MON2: variants seen among roughly 807,000 people sequenced by gnomAD.
The protein encoded by MON2 is MON2 regulator of endosome-to-Golgi trafficking, also known as protein MON2 homolog.
In MON2, 84 loss-of-function variants were observed where a neutral mutation model predicts 208.6. The ratio of observed to expected loss-of-function variants is 0.40; its 90% CI spans 0.34 to 0.48. The LOEUF (loss-of-function observed/expected upper bound fraction) is 0.48, where lower values mean the gene tolerates loss of function less well. Among genes scored for constraint, MON2 ranks in the 20% least tolerant of loss-of-function variants. The pLI, the probability that MON2 is intolerant of heterozygous loss-of-function variation, is 0.59. For synonymous variants in MON2, 660 were observed against 694.0 expected, an observed-to-expected ratio of 0.95 and a Z score of 0.77; for missense variants, 1,611 against 2,015.4, an observed-to-expected ratio of 0.80 and a Z score of 3.84.
chr12:62,500,089 T>C (rs1239775719), intron 5 of MON2, among the ~76,000 whole-genome samples: 2 of 152,190 alleles, frequency 1.3e-5, no homozygotes, highest in East Asian at 3.8e-4. Flanking sequence ...TTCAATGTTT[T>C]ATACATTCAT....
chr12:62,501,269 CTG>C (rs1425285687), intron 6 of MON2, among the ~76,000 whole-genome samples: 1 of 152,006 alleles, frequency 6.6e-6, no homozygotes, highest in African/African-American at 2.4e-5. Flanking sequence ...CAAGATTAAT[CTG>C]TACTGAAAAT....
chr12:62,566,777 C>G (rs1455326140), intron 29 of MON2, among the ~76,000 whole-genome samples: 3 of 151,178 alleles, frequency 2.0e-5, no homozygotes, highest in Non-Finnish European at 4.4e-5. Flanking sequence ...AGGAGAGATA[C>G]CTAATGTAAA....
chr12:62,589,173 G>A (rs1177270341), intron 34 of MON2, among the ~76,000 whole-genome samples: 3 of 152,104 alleles, frequency 2.0e-5, no homozygotes, highest in Non-Finnish European at 4.4e-5. Context: ...ATAGTGAGCT[G>A]GCATCAGAAT....
chr12:62,521,832 T>C (rs145808814), intron 8 of MON2, among the ~76,000 whole-genome samples: 1 of 152,316 alleles, frequency 6.6e-6, no homozygotes, highest in East Asian at 1.9e-4. Flanking sequence ...GCTCTCTGAA[T>C]CACTTAGGAT....
chr12:62,560,315 C>G, intron 25 of MON2, 176 bp from the exon 26 acceptor site: 1 of 590,480 alleles, frequency 1.7e-6, no homozygotes, highest in East Asian at 3.1e-5. Context: ...TACTGAATTT[C>G]TAGGTTGTGA....
At chr12:62,545,997 T>C (rs1026727756) in intron 21 of MON2, among the ~76,000 whole-genome samples, 1 of 152,156 alleles carries the variant, frequency 6.6e-6, no homozygotes, top group African/African-American at 2.4e-5. Context: ...AATAAATGAA[T>C]CCCCTAGAGA....
rs202036287 is a variant in MON2, at chr12:62,560,856, A to G, written c.3775A>G (p.Ile1259Val). 6.8e-6 allele frequency: 11 copies of G among 1,614,112 alleles called. No homozygotes were observed. The highest frequency in any genetic ancestry group is 6.7e-5 in the East Asian group (3 of 44,880). ...RIGSESTKPP[I>V]TFDKLTFIPS... The stretch of plus-strand genomic sequence containing the variant: ...TGGATCTGAAAGTACTAAGCCTCCT[A>G]TTACTTTTGATAAACTAACTTTTAT... Residue 1259 changes from isoleucine to valine, a missense_variant, in exon 26 of 35, where the codon ATT becomes GTT. Coordinates refer to ENST00000393630, the MANE Select transcript of MON2 (RefSeq NM_015026.3).
chr12:62,538,617 A>G, intron 19 of MON2, 112 bp downstream of exon 19: 1 of 746,872 alleles, frequency 1.3e-6, no homozygotes. Flanking sequence ...TTGTATGGTA[A>G]CCATACTCTG....
At chr12:62,557,893 A>G (rs1271461846) in intron 25 of MON2, among the ~76,000 whole-genome samples, 1 of 131,594 alleles carries the variant, frequency 7.6e-6, no homozygotes, top group Non-Finnish European at 1.5e-5. Flanking sequence ...TAGTACCTTC[A>G]TGATATTTCT....
chr12:62,587,835 C>T, intron 33 of MON2: 1 of 317,418 alleles, frequency 3.2e-6, no homozygotes, highest in Non-Finnish European at 5.7e-6. Flanking sequence ...GATTGCCCCA[C>T]CTCTTTATTA....
chr12:62,554,277 A>ACTTG (rs1305535430), intron 24 of MON2, among the ~76,000 whole-genome samples: 2 of 152,220 alleles, frequency 1.3e-5, no homozygotes, highest in Admixed American at 6.5e-5. Context: ...TCTCTTAAAC[A>ACTTG]TTAGAGAATA....
chr12:62,467,528 G>A (rs1282964756), intron 1 of MON2, among the ~76,000 whole-genome samples: 2 of 152,170 alleles, frequency 1.3e-5, no homozygotes, highest in African/African-American at 4.8e-5. Flanking sequence ...TGTCCTCCCA[G>A]TTTAGGAGTG....
intron 8 of MON2, 191 bp downstream of exon 8, chr12:62,508,671 A>T: frequency 1.8e-6 from 1 of 546,116 alleles, no homozygotes; most frequent in Non-Finnish European, 3.2e-6. Flanking sequence ...TTTATAGAGT[A>T]TTCATAATGT....
At chr12:62,519,959 G>A (rs1565640632) in intron 8 of MON2, among the ~76,000 whole-genome samples, 1 of 152,210 alleles carries the variant, frequency 6.6e-6, no homozygotes. Flanking sequence ...GGGACTACTG[G>A]CGCCTGCCAC....
chr12:62,560,567 T>A lies in MON2; in HGVS notation c.3486T>A (p.Ser1162=). 6.2e-7 allele frequency: 1 copy of A among 1,614,076 alleles called. No homozygotes were observed. The highest frequency in any genetic ancestry group is 8.5e-7 in the Non-Finnish European group (1 of 1,180,004). ...SAALSKNNEV[S]LAALKSFQEI... is the part of the protein sequence containing the mutation. The stretch of plus-strand genomic sequence containing the variant: ...CACTCAGCAAAAACAATGAAGTATC[T>A]CTGGCTGCTCTGAAAAGCTTCCAGG... Residue 1162 remains serine (S), a synonymous_variant, in exon 26 of 35, where the codon TCT becomes TCA. Transcript: ENST00000393630.
Position 62,599,981 on chromosome 12 carries a change from AGTTAT to A in MON2, c.*7238_*7242del, listed in dbSNP as rs1280644448. The A allele has an allele frequency of 1.3e-5, 2 of 152,212 alleles. No homozygotes were observed. Among genetic ancestry groups the A allele is most frequent in the Admixed American group, 1.3e-4 (2 of 15,282 alleles). 9.4% of individuals were successfully genotyped at this position (152,212 alleles called of 1,614,324 possible). ...AAAACATATGTTGTGTGTTTTAAGA[AGTTAT>A]GTTATAAATAACAGCATTGTGGTTA... On this transcript the variant is annotated 3_prime_UTR_variant, in exon 35 of 35. Transcript: ENST00000393630.
At chr12:62,504,226 G>T (rs2070985104) in intron 7 of MON2, among the ~76,000 whole-genome samples, 1 of 147,852 alleles carries the variant, frequency 6.8e-6, no homozygotes, top group Non-Finnish European at 1.5e-5. Context: ...CGTTTTTACA[G>T]ATTTTTTTCT....
At chr12:62,557,929 TA>T (rs1565683227) in intron 25 of MON2, among the ~76,000 whole-genome samples, 67 of 35,322 alleles carry the variant, frequency 1.9e-3, no homozygotes, top group African/African-American at 7.9e-3. Flanking sequence ...CGAATAGATT[TA>T]TATATATATA....
At chr12:62,516,926 A>C (rs2071729672) in intron 8 of MON2, among the ~76,000 whole-genome samples, 1 of 152,216 alleles carries the variant, frequency 6.6e-6, no homozygotes, top group South Asian at 2.1e-4. Context: ...GGAAATGAAA[A>C]TAATTACAAT....
Sources: allele counts gnomAD v4.1 joint callset (sites outside exome capture counted in the v4.1 genomes callset), GRCh38; gene constraint gnomAD v4.1.1; transcripts MANE v1.5; gene names NCBI Gene and HGNC (gene_info 2026-07-23, HGNC 2026-07-21).